GRIA4: variants seen among roughly 807,000 people sequenced by gnomAD.
GRIA4 encodes glutamate receptor 4.
In GRIA4, 34 loss-of-function variants were observed where a neutral mutation model predicts 104.0. The observed-to-expected ratio is 0.33, with a 90% CI of 0.25 to 0.44. GRIA4 has a LOEUF of 0.44. Ranked by LOEUF, GRIA4 falls within the 20% of genes least tolerant of loss-of-function variation. The probability of loss-of-function intolerance (pLI) is 1.00; values close to 1 mark genes in which losing one functional copy is unlikely to be tolerated. For synonymous variants in GRIA4, 386 were observed against 381.9 expected, an observed-to-expected ratio of 1.01 and a Z score of -0.13; for missense variants, 750 against 1,096.5, an observed-to-expected ratio of 0.68 and a Z score of 4.46.
intron 3 of GRIA4, among the ~76,000 whole-genome samples, chr11:105,625,676 G>T (rs1950868873): frequency 6.6e-6 from 1 of 152,034 alleles, no homozygotes; most frequent in Non-Finnish European, 1.5e-5. Context: ...TGTTCTGTCT[G>T]GATGGGAATA....
intron 4 of GRIA4, among the ~76,000 whole-genome samples, chr11:105,798,184 T>C (rs1390643525): frequency 6.6e-6 from 1 of 152,078 alleles, no homozygotes; most frequent in Non-Finnish European, 1.5e-5. Context: ...CTTAAAAAGA[T>C]GAATTAGATA....
rs1260706786 is a variant in GRIA4 at position 105,611,010 on chromosome 11, T to A, written c.13T>A (p.Ser5Thr). The change falls in exon 2 of 17, where the codon TCC becomes ACC. Residue 5 changes from serine (S) to threonine (T), a missense_variant. Physicochemically the swap from Ser to Thr is moderately conservative, Grantham distance 58 (BLOSUM62 1). Transcript: ENST00000282499. ...AGGAGAAAAGAAGATGAGGATTATT[T>A]CCAGACAGATTGTCTTGTTATTTTC... is the stretch of plus-strand genomic sequence containing the variant. MRII[S>T]RQIVLLFSGF... is the part of the protein sequence containing the mutation. The A allele has an allele frequency of 6.2e-7, 1 of 1,611,958 alleles. No homozygotes were observed. Among genetic ancestry groups the A allele is most frequent in the African/African-American group, 1.3e-5 (1 of 74,770 alleles).
intron 4 of GRIA4, among the ~76,000 whole-genome samples, chr11:105,831,681 T>C (rs373125219): frequency 6.6e-6 from 1 of 151,990 alleles, no homozygotes; most frequent in Admixed American, 6.6e-5. Context: ...CTCTGATAAA[T>C]TGTGGATTGT....
chr11:105,961,622 A>C (rs1948747256), intron 14 of GRIA4, among the ~76,000 whole-genome samples: 1 of 152,208 alleles, frequency 6.6e-6, no homozygotes, highest in South Asian at 2.1e-4. Context: ...ACTTACCACC[A>C]GTTCAGCATC....
chr11:105,931,947 T>G (rs926486216), intron 13 of GRIA4, among the ~76,000 whole-genome samples: 1 of 152,106 alleles, frequency 6.6e-6, no homozygotes. Flanking sequence ...TCTTGTTGAA[T>G]TCTATATTTT....
At chr11:105,706,920 G>A (rs1953723171) in intron 3 of GRIA4, 1 of 152,234 alleles carries the variant, frequency 6.6e-6, no homozygotes, top group African/African-American at 2.4e-5. Context: ...ATTTTCCCAT[G>A]CTTTATATAC....
intron 3 of GRIA4, among the ~76,000 whole-genome samples, chr11:105,671,952 C>T (rs1952388044): frequency 6.6e-6 from 1 of 152,034 alleles, no homozygotes; most frequent in Non-Finnish European, 1.5e-5. Context: ...ATTCTGAGTG[C>T]TGTTTCCGTT....
chr11:105,696,093 GCTGCCCTCA>G (rs1256331061), intron 3 of GRIA4, among the ~76,000 whole-genome samples: 2 of 152,078 alleles, frequency 1.3e-5, no homozygotes, highest in Non-Finnish European at 2.9e-5. Context: ...TTTTATGTTG[GCTGCCCTCA>G]CTACCTGGTT....
At chr11:105,943,776 T>C (rs1948238553) in intron 14 of GRIA4, among the ~76,000 whole-genome samples, 1 of 152,100 alleles carries the variant, frequency 6.6e-6, no homozygotes, top group South Asian at 2.1e-4. Context: ...ATGGATGAAA[T>C]AGGTGTTTCA....
chr11:105,711,400 A>C (rs901776119), intron 3 of GRIA4, among the ~76,000 whole-genome samples: 2 of 152,036 alleles, frequency 1.3e-5, no homozygotes, highest in Non-Finnish European at 1.5e-5. Context: ...CGCTGTGCAC[A>C]TGTACCCTAA....
chr11:105,668,792 C>T (rs1952265894), intron 3 of GRIA4, among the ~76,000 whole-genome samples: 1 of 149,820 alleles, frequency 6.7e-6, no homozygotes. Context: ...GATTTCTTTG[C>T]TGTGCTGAAG....
At chr11:105,794,098 C>A (rs1841839172) in intron 4 of GRIA4, among the ~76,000 whole-genome samples, 1 of 151,874 alleles carries the variant, frequency 6.6e-6, no homozygotes, top group South Asian at 2.1e-4. Flanking sequence ...ATGTAGTCGG[C>A]AGTTATGATA....
At chr11:105,967,566 A>C (rs2136276471) in intron 14 of GRIA4, among the ~76,000 whole-genome samples, 1 of 152,306 alleles carries the variant, frequency 6.6e-6, no homozygotes, top group East Asian at 1.9e-4. Flanking sequence ...CATGAACTAC[A>C]AAATGTTTTA....
chr11:105,677,316 A>G (rs1313485961), intron 3 of GRIA4, among the ~76,000 whole-genome samples: 1 of 151,938 alleles, frequency 6.6e-6, no homozygotes. Context: ...GAAATGCACT[A>G]TTGATACTTG....
chr11:105,849,760 C>G (rs1434800371), intron 4 of GRIA4, among the ~76,000 whole-genome samples: 1 of 152,156 alleles, frequency 6.6e-6, no homozygotes, highest in Non-Finnish European at 1.5e-5. Flanking sequence ...GCAAGCTTAA[C>G]TACCAAACAT....
intron 5 of GRIA4, among the ~76,000 whole-genome samples, chr11:105,876,571 G>A (rs1229609834): frequency 1.3e-5 from 2 of 152,142 alleles, no homozygotes; most frequent in Non-Finnish European, 2.9e-5. Flanking sequence ...AGGTCTCTAA[G>A]AACTTGCTTT....
chr11:105,773,506 T>C (rs898591098), intron 4 of GRIA4, among the ~76,000 whole-genome samples: 2 of 152,214 alleles, frequency 1.3e-5, no homozygotes, highest in African/African-American at 4.8e-5. Context: ...TTTAAAATAT[T>C]ACCCTTGGTT....
intron 1 of GRIA4, chr11:105,610,634 C>T (rs962490526): frequency 1.0e-5 from 2 of 199,460 alleles, no homozygotes; most frequent in Non-Finnish European, 2.1e-5. Flanking sequence ...AAGGGGCGAG[C>T]GCGAGTGCGA....
intron 14 of GRIA4, among the ~76,000 whole-genome samples, chr11:105,963,750 A>G (rs763323090): frequency 5.3e-5 from 8 of 152,080 alleles, no homozygotes; most frequent in Non-Finnish European, 1.2e-4. Context: ...ATTCCAAACA[A>G]TTTTCTCAAC....
Sources: gnomAD v4.1 joint callset for allele counts (sites outside exome capture counted in the v4.1 genomes callset) on GRCh38, gnomAD v4.1.1 for gene constraint, MANE v1.5 for transcripts, NCBI Gene and HGNC (gene_info 2026-07-23, HGNC 2026-07-21) for gene names.